The following CCBE1 variants were observed in gnomAD, a reference collection of about 807,000 sequenced individuals.
CCBE1 encodes collagen and calcium binding EGF domains 1.
In CCBE1, 37 loss-of-function variants were observed where a neutral mutation model predicts 50.0. The observed-to-expected ratio is 0.74, with a 90% CI of 0.57 to 0.97. CCBE1 has a LOEUF of 0.97. Ranked by LOEUF, CCBE1 falls within the 50% of genes least tolerant of loss-of-function variation. CCBE1 has a pLI of 0.00. For missense variants in CCBE1, 538 were observed against 523.8 expected (o/e 1.03, Z -0.26); for synonymous variants, 234 against 203.7 (o/e 1.15, Z -1.27).
chr18:59,499,554 G>C (rs1426970227), intron 2 of CCBE1, among the ~76,000 whole-genome samples: 1 of 152,164 alleles, frequency 6.6e-6, no homozygotes, highest in African/African-American at 2.4e-5. Flanking sequence ...GGCAAAGAGA[G>C]AGAGAGCTTG....
At chr18:59,637,838 C>T (rs1461777470) in intron 2 of CCBE1, among the ~76,000 whole-genome samples, 1 of 152,060 alleles carries the variant, frequency 6.6e-6, no homozygotes, top group Admixed American at 6.6e-5. Context: ...AAAGTGAATT[C>T]AATTAAAAAT....
chr18:59,485,191 T>A (rs1348083063), intron 2 of CCBE1, among the ~76,000 whole-genome samples: 1 of 152,186 alleles, frequency 6.6e-6, no homozygotes, highest in Non-Finnish European at 1.5e-5. Flanking sequence ...ATAGAAAGGG[T>A]GATATCTTGT....
At chr18:59,567,305 TG>T (rs1311020278) in intron 2 of CCBE1, among the ~76,000 whole-genome samples, 1 of 152,060 alleles carries the variant, frequency 6.6e-6, no homozygotes, top group Non-Finnish European at 1.5e-5. Context: ...GCTAATTTTT[TG>T]TATTTTTAGT....
Position 59,567,811 on chromosome 18 carries a change from C to T in CCBE1, c.213-87573G>A, listed in dbSNP as rs1406677003. Among the ~76,000 whole-genome samples the T allele has an allele frequency of 2.0e-5, 3 of 152,354 alleles. No homozygotes were observed. The East Asian group carries it at 5.8e-4, about 29-fold the overall frequency. On this transcript the variant is annotated intron_variant, in intron 2 of 10. Coordinates refer to ENST00000439986, the MANE Select transcript of CCBE1 (RefSeq NM_133459.4). ...GAAAAAGATGATCGTACTTAAAAGT[C>T]ATTGCCAACAGTGTGCAGATTTAAA...
intron 6 of CCBE1, among the ~76,000 whole-genome samples, chr18:59,454,325 A>G (rs1224120821): frequency 6.6e-6 from 1 of 151,984 alleles, no homozygotes; most frequent in Non-Finnish European, 1.5e-5. Context: ...GCTCACTGCA[A>G]CCTCTGCCTC....
intron 2 of CCBE1, among the ~76,000 whole-genome samples, chr18:59,527,729 C>T (rs1197412091): frequency 6.6e-6 from 1 of 152,156 alleles, no homozygotes. Context: ...CTTTATTTCT[C>T]CTTCCAGTAT....
intron 2 of CCBE1, among the ~76,000 whole-genome samples, chr18:59,612,838 TTTTG>T (rs146270206): frequency 0.15 from 13,437 of 90,206 alleles, 824 homozygotes; most frequent in East Asian, 0.3. Flanking sequence ...TTTTTTTTGT[TTTTG>T]TTTTTGTTTT....
rs117292804 is a variant in CCBE1 at position 59,438,705 on chromosome 18, A to G, written c.952-559T>C. 5.6e-4 allele frequency among the ~76,000 whole-genome samples: 85 copies of G among 152,334 alleles called. 2 individuals are homozygous for G. The East Asian group carries it at 0.015, about 27-fold the overall frequency. On this transcript the variant is annotated intron_variant, in intron 9 of 10. Transcript: ENST00000439986. ...TTTTTGTCTTTGGGGTTGGTTTTGG[A>G]ATTGAAGACAATGGCTTTTCAGATT...
intron 2 of CCBE1, among the ~76,000 whole-genome samples, chr18:59,655,217 G>A (rs1419530761): frequency 2.6e-5 from 4 of 152,150 alleles, no homozygotes; most frequent in African/African-American, 9.7e-5. Flanking sequence ...TCCTTTTCTG[G>A]TTCTAAAACT....
At chr18:59,602,511 T>A (rs1439661655) in intron 2 of CCBE1, among the ~76,000 whole-genome samples, 2 of 152,172 alleles carry the variant, frequency 1.3e-5, no homozygotes, top group African/African-American at 4.8e-5. Context: ...AGTTTTCCCA[T>A]CTACAAAGAT....
At chr18:59,459,318 G>A (rs1435551422) in intron 5 of CCBE1, among the ~76,000 whole-genome samples, 2 of 152,090 alleles carry the variant, frequency 1.3e-5, no homozygotes, top group Non-Finnish European at 2.9e-5. Flanking sequence ...CTCTGATGAC[G>A]GGTTCACATC....
intron 2 of CCBE1, among the ~76,000 whole-genome samples, chr18:59,548,766 G>T (rs1456783072): frequency 6.9e-6 from 1 of 144,304 alleles, no homozygotes; most frequent in Non-Finnish European, 1.5e-5. Context: ...CATACATGTA[G>T]GCTATATGGT....
intron 2 of CCBE1, among the ~76,000 whole-genome samples, chr18:59,509,348 A>G (rs1038493885): frequency 6.6e-6 from 1 of 152,194 alleles, no homozygotes; most frequent in African/African-American, 2.4e-5. Flanking sequence ...ATACACACAC[A>G]CAGTAGCTAC....
At chr18:59,489,987 G>GGTT (rs1555683014) in intron 2 of CCBE1, among the ~76,000 whole-genome samples, 9 of 122,216 alleles carry the variant, frequency 7.4e-5, no homozygotes, top group Admixed American at 3.9e-4. Context: ...CGCATAAGGA[G>GGTT]TTTTTTTTTT....
intron 6 of CCBE1, 122 bp from the exon 7 acceptor site, chr18:59,448,225 G>A: frequency 1.1e-5 from 15 of 1,371,544 alleles, no homozygotes; most frequent in Non-Finnish European, 1.5e-5. Flanking sequence ...TTTTACTAGA[G>A]CTAGTTAGAG....
chr18:59,552,989 T>C (rs1185596076), intron 2 of CCBE1, among the ~76,000 whole-genome samples: 1 of 152,154 alleles, frequency 6.6e-6, no homozygotes, highest in East Asian at 1.9e-4. Flanking sequence ...TAGTCTCCTC[T>C]AGTTGCATTG....
At chr18:59,459,819 G>C (rs11152149) in intron 5 of CCBE1, among the ~76,000 whole-genome samples, 27 of 152,092 alleles carry the variant, frequency 1.8e-4, no homozygotes, top group African/African-American at 6.0e-4. Context: ...CACACCACCC[G>C]TCTGGGGATG....
chr18:59,638,689 T>A (rs2053945574), intron 2 of CCBE1, among the ~76,000 whole-genome samples: 1 of 152,188 alleles, frequency 6.6e-6, no homozygotes, highest in Admixed American at 6.5e-5. Context: ...ATCCACAAGT[T>A]ATCACAATCA....
chr18:59,649,929 C>T (rs1274071753), intron 2 of CCBE1, among the ~76,000 whole-genome samples: 1 of 152,220 alleles, frequency 6.6e-6, no homozygotes, highest in East Asian at 1.9e-4. Flanking sequence ...CATGGAAGAG[C>T]ATCTTCAAGG....
Sources: gnomAD v4.1 joint callset for allele counts (sites outside exome capture counted in the v4.1 genomes callset) on GRCh38, gnomAD v4.1.1 for gene constraint, MANE v1.5 for transcripts, NCBI Gene and HGNC (gene_info 2026-07-23, HGNC 2026-07-21) for gene names.